TRIQK: variants seen among roughly 807,000 people sequenced by gnomAD.
TRIQK encodes triple QxxK/R motif-containing protein.
TRIQK carries 10 observed loss-of-function variants against 10.8 expected under a neutral mutation model. The observed-to-expected ratio is 0.92, with a 90% CI of 0.57 to 1.57. The LOEUF is 1.57. TRIQK is among the 40% of genes most tolerant of loss of function. The pLI, the probability that TRIQK is intolerant of heterozygous loss-of-function variation, is 0.00. For synonymous variants in TRIQK, 33 were observed against 33.7 expected (o/e 0.98, Z 0.07); for missense variants, 107 against 97.7 (o/e 1.09, Z -0.40).
At chr8:92,986,193 T>A (rs963362487) in intron 1 of TRIQK, among the ~76,000 whole-genome samples, 1 of 152,032 alleles carries the variant, frequency 6.6e-6, no homozygotes, top group Non-Finnish European at 1.5e-5. Flanking sequence ...TATACTAACA[T>A]GTATTACATA....
At chr8:93,016,767 G>A (rs951653048) in intron 1 of TRIQK, among the ~76,000 whole-genome samples, 3 of 152,238 alleles carry the variant, frequency 2.0e-5, no homozygotes, top group Non-Finnish European at 2.9e-5. Flanking sequence ...AGGTATTCCC[G>A]ACAGAGGCAG....
intron 2 of TRIQK, among the ~76,000 whole-genome samples, chr8:92,923,925 T>C (rs375847786): frequency 5.9e-5 from 9 of 152,088 alleles, no homozygotes; most frequent in Admixed American, 5.2e-4. Context: ...ATAAGAAATC[T>C]GAAGCCTTCA....
chr8:92,909,920 G>C (rs562504912), intron 3 of TRIQK, among the ~76,000 whole-genome samples: 1 of 151,328 alleles, frequency 6.6e-6, no homozygotes, highest in Admixed American at 6.6e-5. Flanking sequence ...AACCTAAAAC[G>C]CAAAATTAAG....
intron 2 of TRIQK, among the ~76,000 whole-genome samples, chr8:92,928,234 G>C (rs1284208262): frequency 6.6e-6 from 1 of 152,140 alleles, no homozygotes; most frequent in Non-Finnish European, 1.5e-5. Flanking sequence ...GTAGTATCTT[G>C]AACTACCTTT....
chr8:92,946,596 C>T (rs1361360439), intron 2 of TRIQK, among the ~76,000 whole-genome samples: 1 of 152,028 alleles, frequency 6.6e-6, no homozygotes, highest in Non-Finnish European at 1.5e-5. Flanking sequence ...TGAAAGCAAA[C>T]AACTTTTATT....
intron 1 of TRIQK, among the ~76,000 whole-genome samples, chr8:93,016,009 T>C (rs1464286861): frequency 1.3e-5 from 2 of 152,168 alleles, no homozygotes; most frequent in Non-Finnish European, 1.5e-5. Context: ...TCTTCAGAAC[T>C]GAACTTAATA....
chr8:92,910,516 T>C (rs756748153), intron 3 of TRIQK, among the ~76,000 whole-genome samples: 1 of 151,056 alleles, frequency 6.6e-6, no homozygotes, highest in South Asian at 2.1e-4. Context: ...TATATCAAGA[T>C]TTTTAATTCA....
At chr8:92,919,097 C>T (rs10107188) in intron 2 of TRIQK, among the ~76,000 whole-genome samples, 26,233 of 151,614 alleles carry the variant, frequency 0.17, 2,522 homozygotes, top group East Asian at 0.28. Flanking sequence ...TATTTTTATG[C>T]CAGTACCCAA....
At chr8:92,946,407 T>G (rs1203149283) in intron 2 of TRIQK, among the ~76,000 whole-genome samples, 1 of 151,984 alleles carries the variant, frequency 6.6e-6, no homozygotes, top group Non-Finnish European at 1.5e-5. Flanking sequence ...AATAAGGGAG[T>G]CCAGTTTTCA....
At chr8:93,000,257 A>G (rs777212181) in intron 1 of TRIQK, among the ~76,000 whole-genome samples, 7 of 152,184 alleles carry the variant, frequency 4.6e-5, no homozygotes. Flanking sequence ...GTCCATTTTT[A>G]TACTGCTGTG....
chr8:92,899,013 T>C (rs1467665102), intron 3 of TRIQK, among the ~76,000 whole-genome samples: 1 of 150,002 alleles, frequency 6.7e-6, no homozygotes, highest in African/African-American at 2.5e-5. Context: ...TTTTTTTTTT[T>C]CTGGAGTCTC....
intron 3 of TRIQK, among the ~76,000 whole-genome samples, chr8:92,892,298 T>G (rs1429923997): frequency 6.6e-6 from 1 of 151,866 alleles, no homozygotes; most frequent in Non-Finnish European, 1.5e-5. Flanking sequence ...ATTTGCTGTA[T>G]AGTGAATGTC....
rs144104196 is a variant in TRIQK, at chr8:92,940,141, G to A, written c.-22+14265C>T. ...TAGAGAATACATAAATTCTCTTCAG[G>A]GTCATCACCAGCTGACCCTTCATGA... On this transcript the variant is annotated intron_variant, in intron 2 of 4. Transcript: ENST00000521988. Among the ~76,000 whole-genome samples the A allele has an allele frequency of 1.4e-3, 220 of 151,932 alleles. 2 individuals are homozygous for A. Among genetic ancestry groups the A allele is most frequent in the African/African-American group, 5.0e-3 (207 of 41,418 alleles).
chr8:92,989,669 T>C (rs781643385), intron 1 of TRIQK, among the ~76,000 whole-genome samples: 102 of 152,192 alleles, frequency 6.7e-4, no homozygotes, highest in Non-Finnish European at 1.4e-3. Flanking sequence ...AATTATTTCA[T>C]TATATATTAC....
chr8:93,009,180 G>C (rs1813303536), intron 1 of TRIQK, among the ~76,000 whole-genome samples: 1 of 152,166 alleles, frequency 6.6e-6, no homozygotes, highest in African/African-American at 2.4e-5. Flanking sequence ...AATCTTAATA[G>C]ATATTTCTCC....
At chr8:93,000,541 T>A (rs964585031) in intron 1 of TRIQK, among the ~76,000 whole-genome samples, 2 of 152,050 alleles carry the variant, frequency 1.3e-5, no homozygotes, top group African/African-American at 2.4e-5. Context: ...CCATGACATG[T>A]GGGGATTATG....
upstream of TRIQK, among the ~76,000 whole-genome samples, chr8:92,971,101 G>A (rs944638685): frequency 6.6e-6 from 1 of 152,066 alleles, no homozygotes; most frequent in African/African-American, 2.4e-5. Flanking sequence ...AAATCAGATG[G>A]TTGTAGATGT....
chr8:92,884,325 A>T lies in TRIQK; in HGVS notation c.*2297T>A, dbSNP rs1216519825. On this transcript the variant is annotated 3_prime_UTR_variant, in exon 5 of 5. Transcript: ENST00000521988. ...CAGAGGGTTGGCTGCTTCCCAGTTA[A>T]TGTGAGTTTTGCAAAGTTTGCATTT... The T allele has an allele frequency of 6.4e-6, 1 of 155,262 alleles. No homozygotes were observed. 9.6% of individuals were successfully genotyped at this position (155,262 alleles called of 1,614,324 possible). A position where few individuals can be genotyped will look rare whatever the true frequency, so the allele number is the denominator to read the frequency against.
At chr8:92,916,710 A>C (rs909408691) in intron 3 of TRIQK, among the ~76,000 whole-genome samples, 1 of 152,040 alleles carries the variant, frequency 6.6e-6, no homozygotes, top group Admixed American at 6.5e-5. Flanking sequence ...ATTAATTAAA[A>C]TTATAAGAGC....
Sources: allele counts gnomAD v4.1 joint callset (sites outside exome capture counted in the v4.1 genomes callset), GRCh38; gene constraint gnomAD v4.1.1; transcripts MANE v1.5; gene names NCBI Gene and HGNC (gene_info 2026-07-23, HGNC 2026-07-21).